Variants in MSI2 observed in about 807,000 individuals in gnomAD.
MSI2 encodes musashi RNA binding protein 2, also known as RNA-binding protein Musashi homolog 2.
Under a neutral mutation model 45.6 loss-of-function variants are expected in MSI2, and 17 were observed. The ratio of observed to expected loss-of-function variants is 0.37; its 90% CI spans 0.26 to 0.56. MSI2 has a LOEUF of 0.56. MSI2 is among the 20% of genes least tolerant of loss of function. The pLI, the probability that MSI2 is intolerant of heterozygous loss-of-function variation, is 0.77. For missense variants in MSI2, 293 were observed against 444.2 expected (o/e 0.66, Z 3.06); for synonymous variants, 156 against 158.2 (o/e 0.99, Z 0.11).
intron 5 of MSI2, among the ~76,000 whole-genome samples, chr17:57,276,911 G>A (rs1011794062): frequency 6.6e-6 from 1 of 152,130 alleles, no homozygotes; most frequent in East Asian, 1.9e-4. Flanking sequence ...TGGCAGAAAG[G>A]ATGAGACCAG....
intron 8 of MSI2, among the ~76,000 whole-genome samples, chr17:57,603,924 A>AT (rs1331141019): frequency 6.6e-6 from 1 of 152,262 alleles, no homozygotes; most frequent in East Asian, 1.9e-4. Context: ...AGCACACATT[A>AT]TTAGGGGCAG....
At chr17:57,515,587 A>T (rs16958506) in intron 6 of MSI2, among the ~76,000 whole-genome samples, 32,729 of 152,008 alleles carry the variant, frequency 0.22, 3,602 homozygotes, top group Middle Eastern at 0.3. Flanking sequence ...TTTTGTATTA[A>T]TCCCTCTAGT....
At chr17:57,490,076 TGGCTCTCTCCCAG>T (rs565316939) in intron 6 of MSI2, among the ~76,000 whole-genome samples, 54 of 152,296 alleles carry the variant, frequency 3.5e-4, no homozygotes, top group African/African-American at 1.3e-3. Flanking sequence ...TCATGGACTG[TGGCTCTCTCCCAG>T]GGCAAGCTCT....
chr17:57,437,954 C>T (rs923239677), intron 6 of MSI2, among the ~76,000 whole-genome samples: 5 of 152,198 alleles, frequency 3.3e-5, no homozygotes, highest in African/African-American at 7.2e-5. Flanking sequence ...GAAAGCCGTG[C>T]ACATGCACCC....
chr17:57,411,780 G>A (rs1446998212), intron 6 of MSI2, among the ~76,000 whole-genome samples: 2 of 152,014 alleles, frequency 1.3e-5, no homozygotes, highest in African/African-American at 4.8e-5. Flanking sequence ...AGGCTGAGGC[G>A]GGTGGATCAT....
chr17:57,619,260 C>T (rs1412269082), intron 9 of MSI2, among the ~76,000 whole-genome samples: 2 of 152,202 alleles, frequency 1.3e-5, no homozygotes, highest in Non-Finnish European at 2.9e-5. Flanking sequence ...GGGCAGGAGG[C>T]AAGGGGCAAG....
chr17:57,640,792 A>G (rs142150499), intron 10 of MSI2, among the ~76,000 whole-genome samples: 9 of 152,342 alleles, frequency 5.9e-5, no homozygotes, highest in African/African-American at 2.2e-4. Flanking sequence ...TGTTATAGCA[A>G]GGACTCACTG....
intron 5 of MSI2, among the ~76,000 whole-genome samples, chr17:57,273,017 A>G (rs983843421): frequency 6.6e-6 from 1 of 152,226 alleles, no homozygotes; most frequent in African/African-American, 2.4e-5. Flanking sequence ...TTTCAGATAT[A>G]CTACTTAATA....
intron 8 of MSI2, among the ~76,000 whole-genome samples, chr17:57,607,605 C>G (rs1906761894): frequency 6.6e-6 from 1 of 152,218 alleles, no homozygotes; most frequent in African/African-American, 2.4e-5. Flanking sequence ...CGCTCACTTT[C>G]CAGTATCCAC....
chr17:57,294,699 CTG>C (rs1214830991), intron 5 of MSI2: 4 of 152,278 alleles, frequency 2.6e-5, no homozygotes, highest in Admixed American at 2.6e-4. Context: ...TCAGTCGATC[CTG>C]TGTTTGTGCT....
chr17:57,682,999 A>ACAAACAGCCTCGCGCTCTATAC lies in MSI2; in HGVS notation c.*3503_*3524dup, dbSNP rs1212483462. ...GTGGCCTTCCTTATATCCACTGGGA[A>ACAAACAGCCTCGCGCTCTATAC]CAAACAGCCTCGCGCTCTATACCAA... is the stretch of plus-strand genomic sequence containing the variant. On this transcript the variant is annotated 3_prime_UTR_variant, in exon 14 of 14. Coordinates refer to ENST00000284073, the MANE Select transcript of MSI2 (RefSeq NM_138962.4). 4.4e-6 allele frequency: 1 copy of ACAAACAGCCTCGCGCTCTATAC among 229,238 alleles called. No individual in the cohort carries two copies. Among genetic ancestry groups the ACAAACAGCCTCGCGCTCTATAC allele is most frequent in the Non-Finnish European group, 8.6e-6 (1 of 115,686 alleles). The allele number at this position is 229,238 out of a possible 1,614,324, so 14.2% of individuals were successfully genotyped here.
chr17:57,408,717 A>C (rs558998659), intron 6 of MSI2, among the ~76,000 whole-genome samples: 1 of 152,222 alleles, frequency 6.6e-6, no homozygotes, highest in South Asian at 2.1e-4. Context: ...TTTTCTCCCT[A>C]GATGTAGTTC....
intron 5 of MSI2, among the ~76,000 whole-genome samples, chr17:57,399,219 A>G (rs1040602525): frequency 6.6e-6 from 1 of 152,246 alleles, no homozygotes; most frequent in Non-Finnish European, 1.5e-5. Context: ...TGGGATCTTC[A>G]TAGAATTTTT....
chr17:57,366,806 T>C (rs1485376933), intron 5 of MSI2, among the ~76,000 whole-genome samples: 2 of 152,206 alleles, frequency 1.3e-5, no homozygotes, highest in African/African-American at 2.4e-5. Flanking sequence ...CTTTTGAAAT[T>C]GCACGTAATT....
chr17:57,414,566 T>G (rs2143229882), intron 6 of MSI2, among the ~76,000 whole-genome samples: 1 of 152,236 alleles, frequency 6.6e-6, no homozygotes, highest in South Asian at 2.1e-4. Context: ...ATTTTTTGTA[T>G]TTTTTGTAGA....
intron 9 of MSI2, chr17:57,616,779 C>G (rs1406105590): frequency 1.3e-5 from 2 of 152,094 alleles, no homozygotes; most frequent in Non-Finnish European, 2.9e-5. Flanking sequence ...AAAATCTTAC[C>G]GCTTAAATGG....
intron 5 of MSI2, among the ~76,000 whole-genome samples, chr17:57,358,951 T>C (rs529038900): frequency 2.9e-4 from 44 of 152,266 alleles, no homozygotes; most frequent in African/African-American, 1.1e-3. Context: ...TACTTTGCGA[T>C]TGGTTTTATA....
chr17:57,648,621 G>C (rs1395014050), intron 10 of MSI2, among the ~76,000 whole-genome samples: 1 of 152,164 alleles, frequency 6.6e-6, no homozygotes, highest in Non-Finnish European at 1.5e-5. Context: ...GCAGTGGAGG[G>C]GTGATCATTT....
intron 6 of MSI2, among the ~76,000 whole-genome samples, chr17:57,526,054 G>A (rs1010615268): frequency 7.9e-5 from 12 of 151,948 alleles, no homozygotes; most frequent in African/African-American, 1.7e-4. Flanking sequence ...GTGAAACCCC[G>A]TCTCTACTAA....
Sources: gnomAD v4.1 joint callset for allele counts (sites outside exome capture counted in the v4.1 genomes callset) on GRCh38, gnomAD v4.1.1 for gene constraint, MANE v1.5 for transcripts, NCBI Gene and HGNC (gene_info 2026-07-23, HGNC 2026-07-21) for gene names.